GPC6: variants seen among roughly 807,000 people sequenced by gnomAD.
GPC6 encodes the protein glypican-6.
Under a neutral mutation model 55.2 loss-of-function variants are expected in GPC6, and 14 were observed. The observed-to-expected ratio is 0.25, with a 90% confidence interval of 0.17 to 0.40. GPC6 has a LOEUF of 0.40. GPC6 is among the 10% of genes least tolerant of loss of function. The pLI is 1.00. For synonymous variants in GPC6, 278 were observed against 259.6 expected, an observed-to-expected ratio of 1.07 and a Z score of -0.68; for missense variants, 641 against 708.5, an observed-to-expected ratio of 0.90 and a Z score of 1.08.
At chr13:94,310,346 C>T (rs186730338) in intron 6 of GPC6, among the ~76,000 whole-genome samples, 3 of 152,092 alleles carry the variant, frequency 2.0e-5, no homozygotes, top group Non-Finnish European at 4.4e-5. Context: ...CATAAATCTC[C>T]AGTAAGTATT....
intron 6 of GPC6, among the ~76,000 whole-genome samples, chr13:94,372,522 G>A (rs1296480563): frequency 1.3e-5 from 2 of 152,104 alleles, no homozygotes; most frequent in African/African-American, 2.4e-5. Flanking sequence ...AAAAAACGGC[G>A]CACCACGAGA....
At chr13:93,961,624 G>C (rs1056691907) in intron 3 of GPC6, among the ~76,000 whole-genome samples, 1 of 152,170 alleles carries the variant, frequency 6.6e-6, no homozygotes, top group African/African-American at 2.4e-5. Flanking sequence ...GGAAACATTA[G>C]CATGCTTTGA....
intron 1 of GPC6, among the ~76,000 whole-genome samples, chr13:93,457,581 T>C (rs540984020): frequency 6.6e-6 from 1 of 152,204 alleles, no homozygotes; most frequent in African/African-American, 2.4e-5. Flanking sequence ...AGCCTTCATG[T>C]AGCATCTGCT....
At chr13:93,846,789 C>G (rs570732425) in intron 3 of GPC6, among the ~76,000 whole-genome samples, 1 of 152,094 alleles carries the variant, frequency 6.6e-6, no homozygotes, top group Non-Finnish European at 1.5e-5. Flanking sequence ...ACTCCAGCCT[C>G]AAATTTTGGT....
At chr13:94,166,069 T>A (rs1012606587) in intron 4 of GPC6, among the ~76,000 whole-genome samples, 13 of 152,182 alleles carry the variant, frequency 8.5e-5, no homozygotes, top group African/African-American at 3.1e-4. Context: ...TACTCTATGA[T>A]CTATGCAAGC....
intron 2 of GPC6, among the ~76,000 whole-genome samples, chr13:93,688,978 T>C (rs1882154790): frequency 6.6e-6 from 1 of 152,090 alleles, no homozygotes; most frequent in Non-Finnish European, 1.5e-5. Flanking sequence ...GGTTTGCTTG[T>C]TCTCTGATTT....
intron 1 of GPC6, among the ~76,000 whole-genome samples, chr13:93,289,130 C>T (rs1346893092): frequency 2.0e-5 from 3 of 152,134 alleles, no homozygotes; most frequent in Non-Finnish European, 2.9e-5. Context: ...TGGATTTTAT[C>T]GGTACCACAT....
intron 6 of GPC6, among the ~76,000 whole-genome samples, chr13:94,316,383 A>G (rs1379837369): frequency 6.6e-6 from 1 of 152,208 alleles, no homozygotes; most frequent in Non-Finnish European, 1.5e-5. Context: ...AAAGGAGGAT[A>G]CAGAAGTTGT....
intron 1 of GPC6, among the ~76,000 whole-genome samples, chr13:93,360,998 G>A (rs975696588): frequency 2.6e-5 from 4 of 152,022 alleles, no homozygotes; most frequent in Non-Finnish European, 4.4e-5. Flanking sequence ...AATCTTACTC[G>A]CTTTTTTTGT....
At chr13:94,129,065 A>G (rs1365775456) in intron 4 of GPC6, among the ~76,000 whole-genome samples, 1 of 152,178 alleles carries the variant, frequency 6.6e-6, no homozygotes, top group African/African-American at 2.4e-5. Context: ...TTATGATTAC[A>G]TTGTGAAGTT....
intron 2 of GPC6, among the ~76,000 whole-genome samples, chr13:93,610,809 T>C (rs1295269103): frequency 6.6e-6 from 1 of 152,106 alleles, no homozygotes; most frequent in Admixed American, 6.5e-5. Context: ...ATTTAAAAAA[T>C]GCTGATTGCA....
chr13:93,656,411 C>A (rs1367447495), intron 2 of GPC6, among the ~76,000 whole-genome samples: 2 of 152,102 alleles, frequency 1.3e-5, no homozygotes, highest in Admixed American at 6.5e-5. Context: ...TTCATCATTA[C>A]TATAATGCTA....
intron 3 of GPC6, among the ~76,000 whole-genome samples, chr13:93,845,191 T>G (rs1263042532): frequency 6.6e-6 from 1 of 151,994 alleles, no homozygotes; most frequent in Non-Finnish European, 1.5e-5. Context: ...CAGACACTTC[T>G]CAAAAGAAGA....
intron 4 of GPC6, among the ~76,000 whole-genome samples, chr13:94,183,045 T>C (rs886726574): frequency 9.2e-5 from 14 of 152,230 alleles, no homozygotes; most frequent in Non-Finnish European, 2.1e-4. Flanking sequence ...CCCAAAGTAC[T>C]GAGATTATAG....
chr13:94,095,061 C>A (rs1319305851), intron 4 of GPC6, among the ~76,000 whole-genome samples: 1 of 151,924 alleles, frequency 6.6e-6, no homozygotes, highest in Non-Finnish European at 1.5e-5. Flanking sequence ...CAGAAGGATA[C>A]AAATAAAAAT....
chr13:94,201,955 TA>T, intron 4 of GPC6, among the ~76,000 whole-genome samples: 1 of 151,638 alleles, frequency 6.6e-6, no homozygotes, highest in Non-Finnish European at 1.5e-5. Context: ...TCTCAAAAAA[TA>T]AAAAAAAGAT....
chr13:93,489,284 T>C (rs79395710), intron 1 of GPC6, among the ~76,000 whole-genome samples: 38,255 of 151,226 alleles, frequency 0.25, 5,570 homozygotes, highest in East Asian at 0.51. Flanking sequence ...TGGTTGTAGA[T>C]GTGTGGTATT....
intron 1 of GPC6, among the ~76,000 whole-genome samples, chr13:93,460,360 A>T (rs1366381205): frequency 3.9e-5 from 6 of 152,172 alleles, no homozygotes; most frequent in Non-Finnish European, 2.9e-5. Context: ...GGAAATAGGG[A>T]ATCTTTTGCC....
At chr13:93,970,072 A>T (rs1377730633) in intron 3 of GPC6, among the ~76,000 whole-genome samples, 2 of 152,238 alleles carry the variant, frequency 1.3e-5, no homozygotes, top group Non-Finnish European at 2.9e-5. Context: ...TATAGTGATG[A>T]AACCACATGT....
Sources: gnomAD v4.1 joint callset for allele counts (sites outside exome capture counted in the v4.1 genomes callset) on GRCh38, gnomAD v4.1.1 for gene constraint, MANE v1.5 for transcripts, NCBI Gene and HGNC (gene_info 2026-07-23, HGNC 2026-07-21) for gene names.